The following SLC44A1 variants were observed in gnomAD, a reference collection of about 807,000 sequenced individuals.
SLC44A1 encodes choline transporter-like protein 1.
A neutral mutation model predicts 79.3 loss-of-function variants in SLC44A1; 26 were observed. The observed-to-expected ratio is 0.33, with a 90% CI of 0.24 to 0.46. The LOEUF is 0.46. Ranked by LOEUF, SLC44A1 falls within the 20% of genes least tolerant of loss-of-function variation. The pLI, the probability that SLC44A1 is intolerant of heterozygous loss-of-function variation, is 1.00. For missense variants in SLC44A1, 688 were observed against 798.1 expected (o/e 0.86, Z 1.66); for synonymous variants, 263 against 286.2 (o/e 0.92, Z 0.82).
At chr9:105,436,797 C>G (rs965094893) in intron 15 of SLC44A1, among the ~76,000 whole-genome samples, 1 of 152,144 alleles carries the variant, frequency 6.6e-6, no homozygotes, top group South Asian at 2.1e-4. Context: ...ACTAAAATCT[C>G]AAGAATAAAA....
rs985433184 is a variant in SLC44A1, at chr9:105,394,775, G to A, written c.*5719G>A. ...TTGGTAGAAAGTTGGAGGAGCAGAT[G>A]CTGAAGGTAGAAATGCAAAAGATGT... On this transcript the variant is annotated 3_prime_UTR_variant, in exon 16 of 16. Transcript: ENST00000374720. 1.2e-5 allele frequency: 12 copies of A among 985,402 alleles called. No individual in the cohort carries two copies. Among genetic ancestry groups the A allele is most frequent in the Non-Finnish European group, 1.4e-5 (12 of 829,908 alleles). The allele number at this position is 985,402 out of a possible 1,614,324, so 61.0% of individuals were successfully genotyped here.
Position 105,389,266 on chromosome 9 carries a change from A to T in SLC44A1, c.*210A>T, listed in dbSNP as rs1564045917. On this transcript the variant is annotated 3_prime_UTR_variant, in exon 16 of 16. Transcript: ENST00000374720. ...TTATGCTTATTTTTGTCAAACATGT[A>T]CTCCTTTCATACGGGTGGCTTTTAC... 2 of 1,239,768 alleles carry T rather than the reference A, an allele frequency of 1.6e-6. No homozygotes were observed. The highest frequency in any genetic ancestry group is 2.0e-6 in the Non-Finnish European group (2 of 988,198). The allele number at this position is 1,239,768 out of a possible 1,614,324, so 76.8% of individuals were successfully genotyped here.
chr9:105,351,544 GAAAGAAAGAA>G (rs1564452390), intron 5 of SLC44A1, among the ~76,000 whole-genome samples: 1 of 123,460 alleles, frequency 8.1e-6, no homozygotes, highest in African/African-American at 3.8e-5. Context: ...AAGAAAGAAA[GAAAGAAAGAA>G]AGAGAGAAAG....
intron 1 of SLC44A1, among the ~76,000 whole-genome samples, chr9:105,271,611 A>G (rs1830078808): frequency 6.6e-6 from 1 of 151,752 alleles, no homozygotes; most frequent in Admixed American, 6.6e-5. Flanking sequence ...GTAGATTGTG[A>G]TCTTTTTCTT....
At position 105,390,013 on chromosome 9, in the gene SLC44A1, T is replaced by C; in HGVS notation, c.*957T>C. 7.2e-7 allele frequency: 1 copy of C among 1,383,692 alleles called. No homozygotes were observed. The highest frequency in any genetic ancestry group is 9.4e-7 in the Non-Finnish European group (1 of 1,065,938). 85.7% of individuals were successfully genotyped at this position (1,383,692 alleles called of 1,614,324 possible). Reference sequence around the variant, plus strand: ...CAGAGTAACGTCAGTGGCTTAGGGTTAAACGGCCATTTTATTCAAATGCTT... The same window carrying C: ...CAGAGTAACGTCAGTGGCTTAGGGTCAAACGGCCATTTTATTCAAATGCTT... On this transcript the variant is annotated 3_prime_UTR_variant, in exon 16 of 16. Transcript: ENST00000374720.
chr9:105,360,613 A>T (rs550951360), intron 7 of SLC44A1, among the ~76,000 whole-genome samples: 1 of 152,220 alleles, frequency 6.6e-6, no homozygotes, highest in East Asian at 1.9e-4. Flanking sequence ...TTGGAGATTT[A>T]AAAATGCTTA....
intron 2 of SLC44A1, 100 bp downstream of exon 2, chr9:105,299,409 A>G: frequency 4.3e-6 from 3 of 696,252 alleles, no homozygotes; most frequent in Non-Finnish European, 6.7e-6. Context: ...ACCAGTCCTC[A>G]TACAATTCAG....
chr9:105,418,748 G>A (rs1829207298), intron 15 of SLC44A1, among the ~76,000 whole-genome samples: 1 of 152,198 alleles, frequency 6.6e-6, no homozygotes, highest in Non-Finnish European at 1.5e-5. Flanking sequence ...GCTTGTGCCT[G>A]ACTGGCCTGC....
rs1206014793 is a variant in SLC44A1, at chr9:105,391,096, T to A, written c.*2040T>A. On this transcript the variant is annotated 3_prime_UTR_variant, in exon 16 of 16. Transcript: ENST00000374720. ...AATTGGCAAAAGTCTAGAAGATGGG[T>A]ATCAAAACAGAAGACATTCCAGGAG... 4.1e-6 allele frequency: 4 copies of A among 985,686 alleles called. No homozygotes were observed. Among genetic ancestry groups the A allele is most frequent in the Non-Finnish European group, 4.8e-6 (4 of 829,930 alleles). 61.1% of individuals were successfully genotyped at this position (985,686 alleles called of 1,614,324 possible). A position where few individuals can be genotyped will look rare whatever the true frequency, so the allele number is the denominator to read the frequency against.
intron 15 of SLC44A1, among the ~76,000 whole-genome samples, chr9:105,436,330 C>A (rs943508803): frequency 1.3e-5 from 2 of 152,318 alleles, no homozygotes; most frequent in Middle Eastern, 3.4e-3. Context: ...AAGCAACAAT[C>A]AGTCAGATGT....
downstream of SLC44A1, among the ~76,000 whole-genome samples, chr9:105,401,347 A>C (rs1828955084): frequency 6.6e-6 from 1 of 152,234 alleles, no homozygotes; most frequent in South Asian, 2.1e-4. Flanking sequence ...CCAGTGTGAT[A>C]ATAGGCCAGT....
Position 105,395,038 on chromosome 9 carries a change from G to A in SLC44A1, c.*5982G>A. The A allele has an allele frequency of 1.0e-6, 1 of 985,424 alleles. No homozygotes were observed. 61.0% of individuals were successfully genotyped at this position (985,424 alleles called of 1,614,324 possible). ...GAAAAAGCAGGCAGAAACTCATCAA[G>A]GGGTTTGAAGTTCTTGTGAAATTTG... is the stretch of plus-strand genomic sequence containing the variant. On this transcript the variant is annotated 3_prime_UTR_variant, in exon 16 of 16. Transcript: ENST00000374720.
intron 1 of SLC44A1, among the ~76,000 whole-genome samples, chr9:105,264,764 C>T (rs577707037): frequency 6.6e-6 from 1 of 151,834 alleles, no homozygotes; most frequent in East Asian, 1.9e-4. Context: ...ACAAAGCTGT[C>T]AATTTAAGAT....
intron 15 of SLC44A1, among the ~76,000 whole-genome samples, chr9:105,426,989 A>C (rs1231342961): frequency 6.7e-6 from 1 of 150,136 alleles, no homozygotes; most frequent in South Asian, 2.1e-4. Context: ...AGGCTGGAGT[A>C]CAGTGGTGCG....
chr9:105,251,935 C>T (rs948906060), intron 1 of SLC44A1, among the ~76,000 whole-genome samples: 8 of 152,070 alleles, frequency 5.3e-5, no homozygotes, highest in South Asian at 2.1e-4. Flanking sequence ...GACTAGGTGG[C>T]GGCAAACTAC....
chr9:105,406,133 T>C (rs1372315495), intron 15 of SLC44A1, among the ~76,000 whole-genome samples: 1 of 152,172 alleles, frequency 6.6e-6, no homozygotes, highest in African/African-American at 2.4e-5. Flanking sequence ...ATCTCTTTTT[T>C]TTTGTGGCTC....
At chr9:105,426,238 C>G (rs1829321647) in intron 15 of SLC44A1, among the ~76,000 whole-genome samples, 1 of 152,162 alleles carries the variant, frequency 6.6e-6, no homozygotes. Context: ...GTGGCAATGG[C>G]ATAGTTGTGA....
At chr9:105,386,396 T>C in intron 15 of SLC44A1, 1 of 977,810 alleles carries the variant, frequency 1.0e-6, no homozygotes, top group Non-Finnish European at 1.2e-6. Flanking sequence ...AAACAATGTG[T>C]CCCCTGACTG....
At chr9:105,247,811 A>T (rs1175876189) in intron 1 of SLC44A1, among the ~76,000 whole-genome samples, 3 of 152,232 alleles carry the variant, frequency 2.0e-5, no homozygotes, top group African/African-American at 7.2e-5. Context: ...GTGGCATCGA[A>T]TGTGAATCTA....
Sources: gnomAD v4.1 joint callset for allele counts (sites outside exome capture counted in the v4.1 genomes callset) on GRCh38, gnomAD v4.1.1 for gene constraint, MANE v1.5 for transcripts, NCBI Gene and HGNC (gene_info 2026-07-23, HGNC 2026-07-21) for gene names.